The following TNNI3K variants were observed in gnomAD, a reference collection of about 807,000 sequenced individuals.
TNNI3K encodes serine/threonine-protein kinase TNNI3K.
In TNNI3K, 140 loss-of-function variants were observed where a neutral mutation model predicts 114.5. The ratio of observed to expected loss-of-function variants is 1.22; its 90% CI spans 1.07 to 1.41. TNNI3K has a LOEUF of 1.41. TNNI3K is among the 40% of genes most tolerant of loss of function. The pLI is 0.00. For synonymous variants in TNNI3K, 347 were observed against 347.5 expected, an observed-to-expected ratio of 1.00 and a Z score of 0.02; for missense variants, 1,125 against 1,007.6, an observed-to-expected ratio of 1.12 and a Z score of -1.58.
chr1:74,409,497 T>C (rs866976570), intron 17 of TNNI3K, among the ~76,000 whole-genome samples: 4,729 of 146,820 alleles, frequency 0.032, 96 homozygotes, highest in Non-Finnish European at 0.053. Flanking sequence ...TGTTTCTTTT[T>C]TTTTTTTTTT....
chr1:74,242,279 C>CA (rs1198052525), intron 2 of TNNI3K, among the ~76,000 whole-genome samples: 1 of 151,924 alleles, frequency 6.6e-6, no homozygotes, highest in East Asian at 1.9e-4. Context: ...TAATTATGTA[C>CA]AAAAAAGTGG....
At chr1:74,323,791 C>T (rs994015932) in intron 5 of TNNI3K, among the ~76,000 whole-genome samples, 8 of 152,014 alleles carry the variant, frequency 5.3e-5, no homozygotes, top group African/African-American at 1.9e-4. Flanking sequence ...GTGCTAAGTG[C>T]TTTACATGTA....
intron 23 of TNNI3K, 115 bp from the exon 24 acceptor site, chr1:74,540,119 T>C (rs1646708423): frequency 4.6e-6 from 5 of 1,096,862 alleles, no homozygotes; most frequent in Non-Finnish European, 6.4e-6. Flanking sequence ...TAAAAGCTGC[T>C]TTGTATCACT....
intron 23 of TNNI3K, among the ~76,000 whole-genome samples, chr1:74,534,369 G>A (rs1646633459): frequency 6.6e-6 from 1 of 152,106 alleles, no homozygotes; most frequent in Admixed American, 6.5e-5. Flanking sequence ...GTCTTCTTTG[G>A]AATGCAATTC....
At chr1:74,437,085 C>A (rs922120045) in intron 19 of TNNI3K, among the ~76,000 whole-genome samples, 31 of 152,074 alleles carry the variant, frequency 2.0e-4, no homozygotes, top group Admixed American at 1.8e-3. Context: ...AAGTAGACTT[C>A]TCTTTCTGGA....
intron 21 of TNNI3K, chr1:74,475,441 C>G (rs1361108087): frequency 1.4e-6 from 1 of 717,156 alleles, no homozygotes; most frequent in Non-Finnish European, 2.6e-6. Flanking sequence ...AGGCTCTGAA[C>G]ATTCCGAATG....
chr1:74,335,180 TAA>T (rs1221342195), intron 6 of TNNI3K, among the ~76,000 whole-genome samples: 1 of 152,174 alleles, frequency 6.6e-6, no homozygotes, highest in Non-Finnish European at 1.5e-5. Flanking sequence ...ACCCATGAGT[TAA>T]GTCTTAATAT....
chr1:74,538,915 A>G (rs1646693013), intron 23 of TNNI3K, among the ~76,000 whole-genome samples: 2 of 152,270 alleles, frequency 1.3e-5, no homozygotes, highest in South Asian at 2.1e-4. Flanking sequence ...AGTAGGAAGG[A>G]CCAGAACCTT....
At chr1:74,511,306 C>T (rs1168831897) in intron 23 of TNNI3K, among the ~76,000 whole-genome samples, 1 of 152,078 alleles carries the variant, frequency 6.6e-6, no homozygotes, top group Non-Finnish European at 1.5e-5. Context: ...AATTCTCGTG[C>T]CTCAGGCTCC....
intron 11 of TNNI3K, among the ~76,000 whole-genome samples, chr1:74,354,423 G>C (rs1661550537): frequency 6.6e-6 from 1 of 151,858 alleles, no homozygotes; most frequent in Non-Finnish European, 1.5e-5. Context: ...TGATAGTAGA[G>C]TGGGCTCAGA....
chr1:74,313,183 A>T lies in TNNI3K; in HGVS notation c.445-18267A>T, dbSNP rs1274660066. 2.0e-5 allele frequency among the ~76,000 whole-genome samples: 3 copies of T among 152,134 alleles called. No individual in the cohort carries two copies. In the East Asian group the frequency reaches 5.8e-4, roughly 29 times the overall value. On this transcript the variant is annotated intron_variant, in intron 5 of 24. Transcript: ENST00000326637. ...AGATGCAAAATTCAATACAGGCATT[A>T]TCTCTTTGGGGGACTCACTTCCCAT...
intron 17 of TNNI3K, among the ~76,000 whole-genome samples, chr1:74,415,063 T>G (rs1271095417): frequency 6.6e-6 from 1 of 152,180 alleles, no homozygotes; most frequent in African/African-American, 2.4e-5. Flanking sequence ...ATTCTTTCTT[T>G]CTGGTTTACT....
Position 74,284,985 on chromosome 1 carries a change from G to A in TNNI3K, c.444+13277G>A, listed in dbSNP as rs150094098. On this transcript the variant is annotated intron_variant, in intron 5 of 24. Coordinates refer to ENST00000326637, the MANE Select transcript of TNNI3K (RefSeq NM_015978.3). ...GAGCTATTCAGGAGACTTGAGAAAA[G>A]TTCCAAGTTAAATAGGATAAAGGGC... Among the ~76,000 whole-genome samples, 927 of 152,328 alleles carry A rather than the reference G, an allele frequency of 6.1e-3. 9 individuals are homozygous for A. Among genetic ancestry groups the A allele is most frequent in the African/African-American group, 0.019 (808 of 41,568 alleles).
At chr1:74,503,505 G>A (rs1669739466) in intron 23 of TNNI3K, among the ~76,000 whole-genome samples, 1 of 152,144 alleles carries the variant, frequency 6.6e-6, no homozygotes, top group African/African-American at 2.4e-5. Context: ...CAGTGACACT[G>A]TTGACTTAAG....
At chr1:74,459,340 C>T (rs1176150143) in intron 20 of TNNI3K, among the ~76,000 whole-genome samples, 1 of 152,026 alleles carries the variant, frequency 6.6e-6, no homozygotes, top group Non-Finnish European at 1.5e-5. Flanking sequence ...TCTATATGCA[C>T]AGGCAGACAA....
chr1:74,238,481 A>G (rs1464463040), intron 2 of TNNI3K, among the ~76,000 whole-genome samples: 1 of 152,042 alleles, frequency 6.6e-6, no homozygotes, highest in Admixed American at 6.6e-5. Context: ...TGAAGGATAG[A>G]AGACTTATCA....
intron 21 of TNNI3K, among the ~76,000 whole-genome samples, chr1:74,486,710 C>G (rs1268791968): frequency 6.6e-6 from 1 of 151,634 alleles, no homozygotes; most frequent in East Asian, 1.9e-4. Flanking sequence ...GGTAAAGAGA[C>G]TCAAAGACTG....
chr1:74,433,878 A>G (rs976015894), intron 17 of TNNI3K, among the ~76,000 whole-genome samples: 6 of 151,960 alleles, frequency 3.9e-5, no homozygotes, highest in Non-Finnish European at 7.4e-5. Context: ...CACTGTGTAT[A>G]TTATTGCTCT....
intron 5 of TNNI3K, among the ~76,000 whole-genome samples, chr1:74,322,399 CA>C (rs1156565850): frequency 6.6e-6 from 1 of 151,692 alleles, no homozygotes; most frequent in African/African-American, 2.4e-5. Flanking sequence ...ATTTGTTGAC[CA>C]TTTCTTCTCA....
Sources: gnomAD v4.1 joint callset for allele counts (sites outside exome capture counted in the v4.1 genomes callset) on GRCh38, gnomAD v4.1.1 for gene constraint, MANE v1.5 for transcripts, NCBI Gene and HGNC (gene_info 2026-07-23, HGNC 2026-07-21) for gene names.